The following ELP3 variants were observed in gnomAD, a reference collection of about 807,000 sequenced individuals.
ELP3 encodes elongator acetyltransferase complex subunit 3.
ELP3 carries 56 observed loss-of-function variants against 74.9 expected under a neutral mutation model. The observed-to-expected ratio is 0.75, with a 90% CI of 0.60 to 0.93. The LOEUF (loss-of-function observed/expected upper bound fraction) is 0.93. Among genes scored for constraint, ELP3 ranks in the 40% least tolerant of loss-of-function variants. The pLI is 0.00. For missense variants in ELP3, 573 were observed against 686.5 expected, an observed-to-expected ratio of 0.83 and a Z score of 1.85; for synonymous variants, 222 against 239.8, an observed-to-expected ratio of 0.93 and a Z score of 0.68.
chr8:28,140,988 A>C (rs1813214334), intron 10 of ELP3, among the ~76,000 whole-genome samples: 1 of 152,222 alleles, frequency 6.6e-6, no homozygotes, highest in South Asian at 2.1e-4. Context: ...GCCTCACGGG[A>C]ACCTAACCTT....
intron 14 of ELP3, among the ~76,000 whole-genome samples, chr8:28,169,741 A>C (rs576043794): frequency 6.6e-6 from 1 of 152,240 alleles, no homozygotes; most frequent in East Asian, 1.9e-4. Flanking sequence ...CTTTGGCTCA[A>C]CATCTCTAAC....
chr8:28,146,980 G>A (rs755245337), intron 10 of ELP3, among the ~76,000 whole-genome samples: 1 of 152,182 alleles, frequency 6.6e-6, no homozygotes, highest in Non-Finnish European at 1.5e-5. Context: ...CAGCTTCAAG[G>A]ATATGTGACC....
At chr8:28,126,893 A>G (rs1328604956) in intron 7 of ELP3, among the ~76,000 whole-genome samples, 2 of 152,244 alleles carry the variant, frequency 1.3e-5, no homozygotes, top group Non-Finnish European at 2.9e-5. Flanking sequence ...CAGTAAGCCT[A>G]TGGGAAAAAT....
At chr8:28,116,360 C>T (rs892899145) in intron 7 of ELP3, among the ~76,000 whole-genome samples, 2 of 152,198 alleles carry the variant, frequency 1.3e-5, no homozygotes, top group Admixed American at 1.3e-4. Flanking sequence ...GTCCGTGAAT[C>T]TGGACCTGTA....
intron 9 of ELP3, among the ~76,000 whole-genome samples, chr8:28,136,805 C>T (rs1362962680): frequency 1.3e-5 from 2 of 152,188 alleles, no homozygotes; most frequent in African/African-American, 4.8e-5. Flanking sequence ...GACTGTGAGT[C>T]CACTTTCATT....
chr8:28,178,084 GC>G (rs1814835266), intron 14 of ELP3, among the ~76,000 whole-genome samples: 1 of 152,142 alleles, frequency 6.6e-6, no homozygotes, highest in Admixed American at 6.5e-5. Flanking sequence ...GTAACAAATA[GC>G]AGAGTTTATA....
At chr8:28,107,765 C>T (rs1275422470) in intron 4 of ELP3, 148 bp from the exon 5 acceptor site, 4 of 596,908 alleles carry the variant, frequency 6.7e-6, no homozygotes, top group African/African-American at 1.9e-5. Flanking sequence ...ACATTATTTA[C>T]AGATACTGCA....
Position 28,188,290 on chromosome 8 carries a change from G to T in ELP3, c.1568-1359G>T, listed in dbSNP as rs547403729. On this transcript the variant is annotated intron_variant, in intron 14 of 14. Coordinates refer to ENST00000256398, the MANE Select transcript of ELP3 (RefSeq NM_018091.6). Reference sequence around the variant, plus strand: ...GAGACATCATAAAAAATATAATTTGGTCTCTGTTCCTGGTTCCTGACATAG... The same window carrying T: ...GAGACATCATAAAAAATATAATTTGTTCTCTGTTCCTGGTTCCTGACATAG... 1.9e-3 allele frequency among the ~76,000 whole-genome samples: 292 copies of T among 152,166 alleles called. 1 individual carries two copies. Among genetic ancestry groups the T allele is most frequent in the Admixed American group, 3.1e-3 (48 of 15,284 alleles).
chr8:28,128,470 C>T (rs776351649), intron 7 of ELP3, among the ~76,000 whole-genome samples: 34 of 151,462 alleles, frequency 2.2e-4, no homozygotes, highest in Admixed American at 4.6e-4. Context: ...AGTGAAACTC[C>T]GAATCAAAAA....
chr8:28,140,618 A>G (rs1339961797), intron 10 of ELP3, among the ~76,000 whole-genome samples: 1 of 152,198 alleles, frequency 6.6e-6, no homozygotes, highest in Non-Finnish European at 1.5e-5. Flanking sequence ...GAGGTCAAAC[A>G]GGTGGTGCTC....
chr8:28,092,649 C>T (rs1001556077), upstream of ELP3, among the ~76,000 whole-genome samples: 1 of 151,616 alleles, frequency 6.6e-6, no homozygotes. Flanking sequence ...TGCCATTCAT[C>T]TAAGACCAAG....
intron 7 of ELP3, among the ~76,000 whole-genome samples, chr8:28,128,747 G>A (rs955136888): frequency 2.0e-5 from 3 of 152,178 alleles, no homozygotes; most frequent in African/African-American, 7.2e-5. Flanking sequence ...GTGTGGCACA[G>A]AGCTTGGCCC....
intron 7 of ELP3, among the ~76,000 whole-genome samples, chr8:28,119,798 T>C (rs1812295644): frequency 4.0e-5 from 6 of 151,744 alleles, no homozygotes. Flanking sequence ...TCTTCTGATT[T>C]TTTTCCCCAT....
intron 14 of ELP3, among the ~76,000 whole-genome samples, chr8:28,173,734 G>A (rs561352684): frequency 1.3e-5 from 2 of 151,630 alleles, no homozygotes; most frequent in East Asian, 3.9e-4. Context: ...TTTCATGTGA[G>A]CATTTACAGC....
rs575136177 is a variant in ELP3, at chr8:28,137,596, G to C, written c.907-102G>C. 4.8e-3 allele frequency: 5,492 copies of C among 1,134,060 alleles called. 23 individuals carry two copies. The highest frequency in any genetic ancestry group is 6.4e-3 in the Non-Finnish European group (4,954 of 776,794). The allele number at this position is 1,134,060 out of a possible 1,614,324, so 70.2% of individuals were successfully genotyped here. A position where few individuals can be genotyped will look rare whatever the true frequency, so the allele number is the denominator to read the frequency against. On this transcript the variant is annotated intron_variant, in intron 9 of 14. Transcript: ENST00000256398. ...TGGTCAGAAGCAAAGGCTGCCCCAG[G>C]GCCTACTGGGTGTGCCAGAGAAGCT... is the stretch of plus-strand genomic sequence containing the variant.
chr8:28,146,093 T>TA (rs1213313945), intron 10 of ELP3, among the ~76,000 whole-genome samples: 1 of 152,236 alleles, frequency 6.6e-6, no homozygotes, highest in Non-Finnish European at 1.5e-5. Flanking sequence ...ACCTTTTTTT[T>TA]AAAAAGACTA....
At chr8:28,111,493 T>G (rs570683345) in intron 6 of ELP3, among the ~76,000 whole-genome samples, 1 of 152,168 alleles carries the variant, frequency 6.6e-6, no homozygotes, top group South Asian at 2.1e-4. Flanking sequence ...TGTCTCTGGG[T>G]TTGTTTATTG....
Position 28,132,323 on chromosome 8 carries a change from A to C in ELP3, c.825A>C (p.Lys275Asn). The C allele has an allele frequency of 6.2e-7, 1 of 1,614,130 alleles. No homozygotes were observed. Among genetic ancestry groups the C allele is most frequent in the Non-Finnish European group, 8.5e-7 (1 of 1,179,984 alleles). The change falls in exon 9 of 15, where the codon AAA becomes AAC. Residue 275 changes from lysine (K) to asparagine (N), a missense_variant. Lys to Asn is a moderately conservative substitution (Grantham distance 94). Coordinates refer to ENST00000256398, the MANE Select transcript of ELP3 (RefSeq NM_018091.6). ...TGTGTGAGTCATTTCACCTGGCCAAAGATTCCGGTTTTAAAGTGGTGGCCC... is the reference window on the plus strand; with the variant it reads ...TGTGTGAGTCATTTCACCTGGCCAACGATTCCGGTTTTAAAGTGGTGGCCC... ...KAVCESFHLA[K>N]DSGFKVVAHM...
At chr8:28,148,800 T>G (rs1813530252) in intron 10 of ELP3, among the ~76,000 whole-genome samples, 1 of 152,222 alleles carries the variant, frequency 6.6e-6, no homozygotes, top group South Asian at 2.1e-4. Context: ...TTGCTAATAT[T>G]TTGTTGAGGA....
Sources: allele counts gnomAD v4.1 joint callset (sites outside exome capture counted in the v4.1 genomes callset), GRCh38; gene constraint gnomAD v4.1.1; transcripts MANE v1.5; gene names NCBI Gene and HGNC (gene_info 2026-07-23, HGNC 2026-07-21).